Variants in TEX15 observed in about 807,000 individuals in gnomAD.
TEX15 encodes the protein testis-expressed protein 15.
Under a neutral mutation model 237.3 loss-of-function variants are expected in TEX15, and 171 were observed. The ratio of observed to expected loss-of-function variants is 0.72; its 90% confidence interval spans 0.64 to 0.82. The LOEUF (loss-of-function observed/expected upper bound fraction) is 0.82, where lower values mean the gene tolerates loss of function less well. Ranked by LOEUF, TEX15 falls within the 40% of genes least tolerant of loss-of-function variation. The pLI is 0.00. For synonymous variants in TEX15, 1,338 were observed against 1,269.8 expected (o/e 1.05, Z -1.14); for missense variants, 3,750 against 3,646.5 (o/e 1.03, Z -0.73).
chr8:30,845,050 T>G lies in TEX15; in HGVS notation c.5117A>C (p.Asn1706Thr). 6.2e-7 allele frequency: 1 copy of G among 1,613,616 alleles called. No homozygotes were observed. The highest frequency in any genetic ancestry group is 8.5e-7 in the Non-Finnish European group (1 of 1,179,570). The change falls in exon 8 of 11, where the codon AAC becomes ACC. Residue 1706 changes from asparagine (N) to threonine (T), a missense_variant. By Grantham distance (65) the Asn-to-Thr change is moderately conservative. Coordinates refer to ENST00000643185, the MANE Select transcript of TEX15 (RefSeq NM_001350162.2). ...ITGNFLMGPL[N>T]LTLIASKKYS... ...CTTTTTACTTGCTATCAAAGTTAGGTTTAATGGGCCCATAAGGAAGTTTCC... is the reference window on the plus strand; with the variant it reads ...CTTTTTACTTGCTATCAAAGTTAGGGTTAATGGGCCCATAAGGAAGTTTCC...
chr8:30,907,152 TA>T (rs1479896431), intron 1 of TEX15, among the ~76,000 whole-genome samples: 3 of 152,172 alleles, frequency 2.0e-5, no homozygotes, highest in Admixed American at 2.0e-4. Context: ...GCTTTTTCCT[TA>T]TTTAGAGACA....
intron 10 of TEX15, among the ~76,000 whole-genome samples, chr8:30,834,479 C>A (rs1807248366): frequency 1.0e-5 from 1 of 96,802 alleles, no homozygotes; most frequent in South Asian, 3.3e-4. Context: ...GCCTTTTTTC[C>A]CCTCTTTTAT....
intron 8 of TEX15, among the ~76,000 whole-genome samples, chr8:30,840,857 T>G (rs1807435987): frequency 6.6e-6 from 1 of 152,194 alleles, no homozygotes; most frequent in African/African-American, 2.4e-5. Context: ...AATAACCTTC[T>G]CCATCCATAG....
intron 4 of TEX15, among the ~76,000 whole-genome samples, chr8:30,873,064 A>G (rs1031562803): frequency 2.0e-5 from 3 of 152,164 alleles, no homozygotes; most frequent in African/African-American, 7.2e-5. Context: ...ATGTTTACAC[A>G]ATGACGAAAT....
chr8:30,887,299 C>A lies in TEX15; in HGVS notation c.4G>T (p.Glu2Ter). Residue 2 changes from glutamate (E) to a stop codon, truncating the protein, a stop_gained, in exon 3 of 11, where the codon GAA (glutamate) becomes TAA (stop). Coordinates refer to ENST00000643185, the MANE Select transcript of TEX15 (RefSeq NM_001350162.2). LOFTEE classifies it high-confidence loss of function. M[E>*]MKETAKQDTL... is the part of the protein sequence containing the mutation. The stretch of plus-strand genomic sequence containing the variant: ...TCCTGTTTAGCAGTTTCTTTCATTT[C>A]CATTTTGTTGGCCTAAAATCAACCC... 1 of 1,529,018 alleles carries A rather than the reference C, an allele frequency of 6.5e-7. No individual in the cohort carries two copies. The highest frequency in any genetic ancestry group is 8.7e-7 in the Non-Finnish European group (1 of 1,144,670). 94.7% of individuals were successfully genotyped at this position (1,529,018 alleles called of 1,614,324 possible). A position where few individuals can be genotyped will look rare whatever the true frequency, so the allele number is the denominator to read the frequency against.
In TEX15 at chr8:30,842,365, G is replaced by C; in HGVS notation, c.7802C>G (p.Ala2601Gly). The C allele has an allele frequency of 6.2e-7, 1 of 1,613,680 alleles. No homozygotes were observed. The highest frequency in any genetic ancestry group is 8.5e-7 in the Non-Finnish European group (1 of 1,179,816). The change falls in exon 8 of 11, where the codon GCC becomes GGC. Residue 2601 changes from alanine (A) to glycine (G), a missense_variant. Ala to Gly is a moderately conservative substitution (Grantham distance 60). Coordinates refer to ENST00000643185, the MANE Select transcript of TEX15 (RefSeq NM_001350162.2). ...CATTTTTCCTAAATCTTTCCTAGGG[G>C]CAGACATTACATTCTTCAGCAGTGT... ...FSTLLKNVMS[A>G]PRKDLGKMAH...
chr8:30,840,108 A>G, intron 8 of TEX15, 144 bp from the exon 9 acceptor site: 1 of 459,348 alleles, frequency 2.2e-6, no homozygotes, highest in Non-Finnish European at 3.7e-6. Context: ...CTCCCTGCAG[A>G]AAGCAGTGAC....
In TEX15 at chr8:30,844,379, C is replaced by T; in HGVS notation, c.5788G>A (p.Val1930Ile). The change falls in exon 8 of 11, where the codon GTT becomes ATT. Residue 1930 changes from valine to isoleucine, a missense_variant. Physicochemically the swap from Val to Ile is conservative, Grantham distance 29. Transcript: ENST00000643185. ...NKREKKGEIK[V>I]SKDSQSDLTL... Reference sequence around the variant, plus strand: ...AAGTCAGACTGCGAGTCTTTACTAACTTTAATTTCCCCCTTCTTCTCTCTT... The same window carrying T: ...AAGTCAGACTGCGAGTCTTTACTAATTTTAATTTCCCCCTTCTTCTCTCTT... 1 of 1,610,046 alleles carries T rather than the reference C, an allele frequency of 6.2e-7. No homozygotes were observed. The highest frequency in any genetic ancestry group is 8.5e-7 in the Non-Finnish European group (1 of 1,178,478).
At chr8:30,858,057 T>C (rs1807948202) in intron 7 of TEX15, among the ~76,000 whole-genome samples, 3 of 152,222 alleles carry the variant, frequency 2.0e-5, no homozygotes, top group Admixed American at 2.0e-4. Context: ...AAAATAGCAA[T>C]GTTTGGAATA....
chr8:30,908,066 C>T (rs566931180), intron 1 of TEX15, among the ~76,000 whole-genome samples: 12 of 152,104 alleles, frequency 7.9e-5, no homozygotes, highest in Middle Eastern at 3.4e-3. Context: ...TGGGACTATA[C>T]GCATGTGCCA....
intron 3 of TEX15, among the ~76,000 whole-genome samples, chr8:30,877,696 T>A (rs323381): frequency 0.35 from 53,315 of 151,884 alleles, 14,157 homozygotes; most frequent in African/African-American, 0.74. Flanking sequence ...CAAAAACAGT[T>A]CACAGAGGTC....
chr8:30,895,873 G>A (rs1487395832), intron 2 of TEX15, among the ~76,000 whole-genome samples: 1 of 151,598 alleles, frequency 6.6e-6, no homozygotes, highest in Non-Finnish European at 1.5e-5. Flanking sequence ...TAGAGACGGG[G>A]TTTCACCATG....
At chr8:30,896,542 C>T (rs143009902) in intron 2 of TEX15, among the ~76,000 whole-genome samples, 137 of 146,416 alleles carry the variant, frequency 9.4e-4, no homozygotes, top group African/African-American at 3.5e-3. Context: ...CAGAACCATA[C>T]GATTAAAAAA....
At chr8:30,892,039 C>T (rs1316693032) in intron 2 of TEX15, among the ~76,000 whole-genome samples, 1 of 151,696 alleles carries the variant, frequency 6.6e-6, no homozygotes, top group Non-Finnish European at 1.5e-5. Flanking sequence ...ATATTTTGTG[C>T]TTTCATTTTT....
intron 3 of TEX15, chr8:30,886,822 G>A (rs1352137717): frequency 1.2e-5 from 2 of 165,916 alleles, no homozygotes; most frequent in Non-Finnish European, 2.6e-5. Context: ...GGGGCATCTA[G>A]TCTGAGATAT....
rs564170330 is a variant in TEX15, at chr8:30,847,619, A to T, written c.2548T>A (p.Trp850Arg). 3 of 1,613,380 alleles carry T rather than the reference A, an allele frequency of 1.9e-6. No individual in the cohort carries two copies. Among genetic ancestry groups the T allele is most frequent in the Non-Finnish European group, 2.5e-6 (3 of 1,179,860 alleles). ...FCNSQLSNDI[W>R]LNVNFKKQTD... ...TGTTTTTTGAAATTAACATTCAGCC[A>T]TATATCATTGCTTAACTGTGAATTA... The change falls in exon 8 of 11, where the codon TGG (tryptophan) becomes AGG (arginine). Residue 850 changes from tryptophan (W) to arginine (R), a missense_variant. By Grantham distance (101) the Trp-to-Arg change is moderately radical. Coordinates refer to ENST00000643185, the MANE Select transcript of TEX15 (RefSeq NM_001350162.2).
At chr8:30,883,921 T>C (rs528536867) in intron 3 of TEX15, among the ~76,000 whole-genome samples, 5 of 152,352 alleles carry the variant, frequency 3.3e-5, no homozygotes, top group Non-Finnish European at 7.3e-5. Flanking sequence ...TGAGGAATTG[T>C]CACATTGTCT....
chr8:30,853,283 T>C (rs942843788), intron 7 of TEX15, among the ~76,000 whole-genome samples: 2 of 151,990 alleles, frequency 1.3e-5, no homozygotes, highest in African/African-American at 4.8e-5. Flanking sequence ...ATAAAACAAG[T>C]AGGTAAAATC....
chr8:30,837,784 T>C lies in TEX15; in HGVS notation c.8500A>G (p.Lys2834Glu), dbSNP rs372378045. The C allele has an allele frequency of 3.1e-6, 5 of 1,614,106 alleles. 1 individual carries two copies. Among genetic ancestry groups the C allele is most frequent in the Non-Finnish European group, 4.2e-6 (5 of 1,180,044 alleles). The change falls in exon 10 of 11, where the codon AAG becomes GAG. Residue 2834 changes from lysine (K) to glutamate (E), a missense_variant. Lys to Glu is a moderately conservative substitution (Grantham distance 56). Transcript: ENST00000643185. The stretch of plus-strand genomic sequence containing the variant: ...ATTGCAAAAGCAGCACAATCTTTCT[T>C]ATCACTTTTTGTTTCAGCAGCACTG... ...NFSAAETKSD[K>E]KDCAAFAICD... is the part of the protein sequence containing the mutation.
Sources: gnomAD v4.1 joint callset for allele counts (sites outside exome capture counted in the v4.1 genomes callset) on GRCh38, gnomAD v4.1.1 for gene constraint, MANE v1.5 for transcripts, NCBI Gene and HGNC (gene_info 2026-07-23, HGNC 2026-07-21) for gene names.